RCAN2: variants seen among roughly 807,000 people sequenced by gnomAD.
RCAN2 encodes the protein calcipressin-2.
RCAN2 carries 9 observed loss-of-function variants against 23.6 expected under a neutral mutation model. The observed-to-expected ratio is 0.38, with a 90% CI of 0.23 to 0.67. The LOEUF is 0.67. Among genes scored for constraint, RCAN2 ranks in the 30% least tolerant of loss-of-function variants. The pLI is 0.51. For missense variants in RCAN2, 273 were observed against 302.3 expected, an observed-to-expected ratio of 0.90 and a Z score of 0.72; for synonymous variants, 109 against 115.7, an observed-to-expected ratio of 0.94 and a Z score of 0.37.
intron 2 of RCAN2, among the ~76,000 whole-genome samples, chr6:46,420,695 C>T (rs923362904): frequency 6.6e-6 from 1 of 151,930 alleles, no homozygotes; most frequent in Admixed American, 6.6e-5. Context: ...AGGTACCCAC[C>T]ATCAGGCCCG....
intron 2 of RCAN2, among the ~76,000 whole-genome samples, chr6:46,420,689 A>G (rs528797188): frequency 2.2e-4 from 33 of 151,726 alleles, no homozygotes; most frequent in Non-Finnish European, 3.5e-4. Context: ...GATTACAGGT[A>G]CCCACCATCA....
At position 46,294,970 on chromosome 6, in the gene RCAN2, G is replaced by A. The variant is rs143687519; in HGVS notation, c.226-46074C>T. On this transcript the variant is annotated intron_variant, in intron 2 of 4. Transcript: ENST00000371374. ...ATAAAGACAGAAAAACCATATGTAA[G>A]GGCAGCTGCAGTAATCAAAAGAGAA... Among the ~76,000 whole-genome samples, 432 of 152,192 alleles carry A rather than the reference G, an allele frequency of 2.8e-3. 3 individuals are homozygous for A. The highest frequency in any genetic ancestry group is 9.9e-3 in the African/African-American group (410 of 41,528).
In RCAN2 at chr6:46,222,106, T is replaced by C. The variant is rs1003797053; in HGVS notation, c.*1035A>G. 2.5e-6 allele frequency: 1 copy of C among 397,274 alleles called. No homozygotes were observed. Among genetic ancestry groups the C allele is most frequent in the African/African-American group, 2.1e-5 (1 of 48,588 alleles). The allele number at this position is 397,274 out of a possible 1,614,324, so 24.6% of individuals were successfully genotyped here. A position where few individuals can be genotyped will look rare whatever the true frequency, so the allele number is the denominator to read the frequency against. ...TGATAGCAAAGATGTTGGCTAATCA[T>C]GTATATATTGGCATTAGATGTTTTG... On this transcript the variant is annotated 3_prime_UTR_variant, in exon 5 of 5. Transcript: ENST00000371374.
At chr6:46,256,129 G>T (rs1229109778) in intron 2 of RCAN2, among the ~76,000 whole-genome samples, 1 of 152,092 alleles carries the variant, frequency 6.6e-6, no homozygotes, top group Non-Finnish European at 1.5e-5. Flanking sequence ...CAGCACTTTG[G>T]GAGGCCGAGG....
At chr6:46,472,810 C>T (rs937591744) in intron 1 of RCAN2, among the ~76,000 whole-genome samples, 1 of 152,154 alleles carries the variant, frequency 6.6e-6, no homozygotes, top group African/African-American at 2.4e-5. Flanking sequence ...GAAGAAGGAA[C>T]TTGGAGGACA....
intron 2 of RCAN2, among the ~76,000 whole-genome samples, chr6:46,403,960 G>A (rs1210460607): frequency 2.0e-5 from 3 of 152,118 alleles, no homozygotes; most frequent in East Asian, 1.9e-4. Context: ...GCTGGCTCAC[G>A]CCTGTAATCC....
At chr6:46,410,887 A>G (rs1405594362) in intron 2 of RCAN2, among the ~76,000 whole-genome samples, 1 of 152,232 alleles carries the variant, frequency 6.6e-6, no homozygotes, top group Non-Finnish European at 1.5e-5. Context: ...TCCTGACAAC[A>G]GACTGAAAAG....
At chr6:46,441,002 T>C (rs1480424601) in intron 2 of RCAN2, among the ~76,000 whole-genome samples, 1 of 152,212 alleles carries the variant, frequency 6.6e-6, no homozygotes. Context: ...CCAAATTCCA[T>C]AGACATGTGC....
intron 2 of RCAN2, among the ~76,000 whole-genome samples, chr6:46,405,293 AAG>A (rs1394679999): frequency 6.6e-6 from 1 of 152,118 alleles, no homozygotes; most frequent in African/African-American, 2.4e-5. Context: ...GATCAGCAGC[AAG>A]AGTTATTGCA....
At chr6:46,254,367 C>A (rs1385989123) in intron 2 of RCAN2, among the ~76,000 whole-genome samples, 1 of 152,048 alleles carries the variant, frequency 6.6e-6, no homozygotes, top group African/African-American at 2.4e-5. Context: ...AAGAGCTGCC[C>A]TTCAAGGAAG....
chr6:46,230,908 A>T (rs1765863204), intron 4 of RCAN2, among the ~76,000 whole-genome samples: 1 of 152,198 alleles, frequency 6.6e-6, no homozygotes. Context: ...TCCAAGGTAC[A>T]GTTTTAAATT....
At chr6:46,262,772 C>T (rs1231897827) in intron 2 of RCAN2, among the ~76,000 whole-genome samples, 2 of 152,090 alleles carry the variant, frequency 1.3e-5, no homozygotes, top group Non-Finnish European at 2.9e-5. Flanking sequence ...GCTTTTGTTG[C>T]CTATATTCCA....
At chr6:46,386,694 C>T (rs534956895) in intron 2 of RCAN2, among the ~76,000 whole-genome samples, 1 of 149,380 alleles carries the variant, frequency 6.7e-6, no homozygotes, top group East Asian at 2.0e-4. Context: ...TTATTAAAAA[C>T]TCAAGAAACA....
chr6:46,323,979 G>T (rs1486051780), intron 2 of RCAN2, among the ~76,000 whole-genome samples: 1 of 152,206 alleles, frequency 6.6e-6, no homozygotes, highest in Non-Finnish European at 1.5e-5. Flanking sequence ...AGGACAGAAG[G>T]GAGCTGTGAA....
intron 4 of RCAN2, among the ~76,000 whole-genome samples, chr6:46,226,223 G>T (rs1419214394): frequency 2.0e-5 from 3 of 152,184 alleles, no homozygotes; most frequent in Non-Finnish European, 4.4e-5. Context: ...GTAGCGTGAT[G>T]CCTCCAGGTT....
chr6:46,456,710 C>T (rs143624595), intron 2 of RCAN2, 42 bp downstream of exon 2: 56 of 1,355,570 alleles, frequency 4.1e-5, no homozygotes, highest in Non-Finnish European at 5.7e-5. Context: ...GGAGATAATG[C>T]CATATCTCCC....
At chr6:46,265,506 G>A (rs1021461290) in intron 2 of RCAN2, among the ~76,000 whole-genome samples, 9 of 152,240 alleles carry the variant, frequency 5.9e-5, no homozygotes, top group South Asian at 2.1e-4. Flanking sequence ...TACACAATGC[G>A]TTGTCCAAGC....
intron 3 of RCAN2, among the ~76,000 whole-genome samples, chr6:46,248,192 A>C (rs925976118): frequency 1.3e-5 from 2 of 152,232 alleles, no homozygotes; most frequent in Non-Finnish European, 2.9e-5. Context: ...ATTTTGGAAG[A>C]GCTAGAATTG....
At chr6:46,485,066 A>C (rs1177622794) in intron 1 of RCAN2, among the ~76,000 whole-genome samples, 2 of 152,232 alleles carry the variant, frequency 1.3e-5, no homozygotes, top group African/African-American at 2.4e-5. Context: ...TATCTGTTTG[A>C]GCCAATAGTC....
Sources: gnomAD v4.1 joint callset for allele counts (sites outside exome capture counted in the v4.1 genomes callset) on GRCh38, gnomAD v4.1.1 for gene constraint, MANE v1.5 for transcripts, NCBI Gene and HGNC (gene_info 2026-07-23, HGNC 2026-07-21) for gene names.